Variants in HYAL1 observed in about 807,000 individuals in gnomAD.
HYAL1 encodes hyaluronidase-1.
HYAL1 carries 21 observed loss-of-function variants against 28.8 expected under a neutral mutation model. That is an observed-to-expected ratio of 0.73 (90% CI 0.52 to 1.05). The LOEUF (loss-of-function observed/expected upper bound fraction) is 1.05. HYAL1 is among the 50% of genes least tolerant of loss of function. HYAL1 has a pLI of 0.00. For synonymous variants in HYAL1, 200 were observed against 230.1 expected (o/e 0.87, Z 1.18); for missense variants, 491 against 579.2 (o/e 0.85, Z 1.56).
At chr3:50,300,822 C>T (rs782466337) in intron 3 of HYAL1, 22 bp from the exon 4 acceptor site, 15 of 1,609,868 alleles carry the variant, frequency 9.3e-6, no homozygotes, top group Admixed American at 1.7e-5. Flanking sequence ...GGGAGGATAG[C>T]GTCAGGGACA....
Position 50,300,806 on chromosome 3 carries a change from T to C in HYAL1, c.991-6A>G, listed in dbSNP as rs782756651. 1.2e-6 allele frequency: 2 copies of C among 1,613,034 alleles called. No homozygotes were observed. Among genetic ancestry groups the C allele is most frequent in the South Asian group, 1.1e-5 (1 of 90,898 alleles). ...TTGATGGCCTGACATGATTCCTAGG[T>C]GGGAAGGGAGGATAGCGTCAGGGAC... On this transcript the variant is annotated splice_region_variant and splice_polypyrimidine_tract_variant and intron_variant, in intron 3 of 3. Coordinates refer to ENST00000395144, the MANE Select transcript of HYAL1 (RefSeq NM_033159.4).
chr3:50,301,837 A>C (rs1272679090), intron 2 of HYAL1, among the ~76,000 whole-genome samples: 4 of 151,668 alleles, frequency 2.6e-5, no homozygotes, highest in Non-Finnish European at 1.5e-5. Flanking sequence ...CCTGTATCCC[A>C]GCTACTCGGA....
chr3:50,311,671 T>C, intron 1 of HYAL1, among the ~76,000 whole-genome samples: 1 of 132,574 alleles, frequency 7.5e-6, no homozygotes, highest in Admixed American at 7.7e-5. Flanking sequence ...GGCGGGGGGC[T>C]GACCCCCCAA....
chr3:50,303,091 T>C (rs587704044), intron 1 of HYAL1, 111 bp from the exon 2 acceptor site: 6 of 847,956 alleles, frequency 7.1e-6, no homozygotes, highest in Non-Finnish European at 1.1e-5. Context: ...CTCTGGTTTC[T>C]GTTAAACATT....
chr3:50,304,378 A>AT (rs1400648493), upstream of HYAL1, among the ~76,000 whole-genome samples: 1 of 125,282 alleles, frequency 8.0e-6, no homozygotes, highest in Non-Finnish European at 1.7e-5. Context: ...AGGTGGGAGA[A>AT]TTGCTTGAGC....
chr3:50,300,939 T>TGGGGGGCG, intron 3 of HYAL1, 49 bp downstream of exon 3: 1 of 959,410 alleles, frequency 1.0e-6, no homozygotes, highest in Non-Finnish European at 1.7e-6. Context: ...GTCAGCTTAA[T>TGGGGGGCG]GGCCCCACCC....
At chr3:50,305,643 C>G (rs1298117031), upstream of HYAL1, among the ~76,000 whole-genome samples, 1 of 151,048 alleles carries the variant, frequency 6.6e-6, no homozygotes, top group Non-Finnish European at 1.5e-5. Context: ...TCAAGCGATT[C>G]TCCTGCCTCA....
At chr3:50,311,493 G>A (rs1237952258) in intron 1 of HYAL1, among the ~76,000 whole-genome samples, 18 of 130,748 alleles carry the variant, frequency 1.4e-4, no homozygotes, top group Admixed American at 3.7e-4. Flanking sequence ...CGGGCAGAGG[G>A]GCTCCTCACT....
At chr3:50,311,161 T>C (rs1467347668) in intron 1 of HYAL1, among the ~76,000 whole-genome samples, 1 of 150,956 alleles carries the variant, frequency 6.6e-6, no homozygotes, top group Non-Finnish European at 1.5e-5. Context: ...GGCTCCTCAC[T>C]TCCCAGTAGG....
In HYAL1 at chr3:50,302,118, T is replaced by C. The variant is rs781932281; in HGVS notation, c.839A>G (p.Asn280Ser). ...FRVAVAAGDP[N>S]LPVLPYVQIF... ...CTGGACATAGGGCAGCACCGGCAGA[T>C]TGGGGTCACCAGCAGCCACAGCCAC... Residue 280 changes from asparagine to serine, a missense_variant, in exon 2 of 4, where the codon AAT (asparagine) becomes AGT (serine). Asn to Ser is a conservative substitution (Grantham distance 46). Transcript: ENST00000395144. The surrounding 1 kb of genome is among the most constrained non-coding windows in gnomAD (Gnocchi z 5.0). The C allele has an allele frequency of 1.9e-6, 3 of 1,613,934 alleles. No individual in the cohort carries two copies. Among genetic ancestry groups the C allele is most frequent in the African/African-American group, 1.3e-5 (1 of 74,878 alleles).
At chr3:50,310,653 G>A (rs1257748158) in intron 1 of HYAL1, among the ~76,000 whole-genome samples, 2 of 149,440 alleles carry the variant, frequency 1.3e-5, no homozygotes, top group African/African-American at 2.5e-5. Flanking sequence ...CGCAGAGGGG[G>A]ATTTGGCAGG....
At position 50,302,357 on chromosome 3, in the gene HYAL1, G is replaced by A. The variant is rs374928005; in HGVS notation, c.600C>T (p.Gly200=). Residue 200 remains glycine, a synonymous_variant, in exon 2 of 4, where the codon GGC becomes GGT. Coordinates refer to ENST00000395144, the MANE Select transcript of HYAL1 (RefSeq NM_033159.4). This position sits in a 1 kb window ranked among gnomAD's most constrained non-coding sequence, Gnocchi z 5.0. ...TGTAGCAGTCAGGGAAGCCATAGAA[G>A]CCCCAGAGGCCGCGAGGACGCAGTG... ...GRALRPRGLW[G]FYGFPDCYNY... The A allele has an allele frequency of 1.2e-6, 2 of 1,613,738 alleles. No individual in the cohort carries two copies. Among genetic ancestry groups the A allele is most frequent in the African/African-American group, 1.3e-5 (1 of 75,058 alleles).
chr3:50,311,635 T>A (rs1372640798), intron 1 of HYAL1, among the ~76,000 whole-genome samples: 2 of 86,612 alleles, frequency 2.3e-5, no homozygotes, highest in East Asian at 5.1e-4. Context: ...CCCCCCCACC[T>A]CCCTCCCGGA....
chr3:50,306,219 C>CTTTTTTTTTTTTTT (rs1173166946), upstream of HYAL1, among the ~76,000 whole-genome samples: 2 of 84,456 alleles, frequency 2.4e-5, no homozygotes, highest in Admixed American at 1.4e-4. Context: ...CTGTACAACT[C>CTTTTTTTTTTTTTT]TTTTTTTTTT....
At chr3:50,310,992 G>T (rs1334404890) in intron 1 of HYAL1, among the ~76,000 whole-genome samples, 1 of 152,090 alleles carries the variant, frequency 6.6e-6, no homozygotes, top group Non-Finnish European at 1.5e-5. Flanking sequence ...AGTCTCCCAC[G>T]TCTACATCTT....
At chr3:50,308,777 C>A (rs2078141228) in intron 2 of HYAL1, among the ~76,000 whole-genome samples, 1 of 136,280 alleles carries the variant, frequency 7.3e-6, no homozygotes, top group South Asian at 2.3e-4. Flanking sequence ...GTCACCCAGG[C>A]TGGAGTGCAA....
At chr3:50,312,251 A>AG (rs886058696) in intron 1 of HYAL1, 93 of 183,056 alleles carry the variant, frequency 5.1e-4, no homozygotes, top group Non-Finnish European at 9.0e-4. Context: ...TGCCGGGCGG[A>AG]GGGGCTCCTC....
rs1343643159 is a variant in HYAL1, at chr3:50,302,252, C to T, written c.705G>A (p.Leu235=). The change falls in exon 2 of 4, where the codon CTG becomes CTA. Residue 235 remains leucine, a synonymous_variant. Coordinates refer to ENST00000395144, the MANE Select transcript of HYAL1 (RefSeq NM_033159.4). The surrounding 1 kb of genome is among the most constrained non-coding windows in gnomAD (Gnocchi z 5.0). ...IRAQNDQLGW[L]WGQSRALYPS... ...GATAGAGGGCACGGCTCTGGCCCCA[C>T]AGCCACCCTAGCTGGTCATTTTGGG... 4 of 1,613,870 alleles carry T rather than the reference C, an allele frequency of 2.5e-6. No individual in the cohort carries two copies. Among genetic ancestry groups the T allele is most frequent in the Non-Finnish European group, 1.7e-6 (2 of 1,180,040 alleles).
chr3:50,310,267 T>G lies in HYAL1; in HGVS notation c.-309-490A>C, dbSNP rs1428094859. ...AGTCACTGAAAACTAAGCTGTGTGTTTTTTTTTTTTTTTTTGAGACAGAGT... is the reference window on the plus strand; with the variant it reads ...AGTCACTGAAAACTAAGCTGTGTGTGTTTTTTTTTTTTTTTGAGACAGAGT... On this transcript the variant is annotated intron_variant, in intron 1 of 5. Coordinates refer to the HYAL1 transcript ENST00000320295. Among the ~76,000 whole-genome samples the G allele has an allele frequency of 5.8e-3, 851 of 145,932 alleles. 35 individuals carry two copies. The highest frequency in any genetic ancestry group is 0.02 in the African/African-American group (796 of 38,844).
Sources: gnomAD v4.1 joint callset for allele counts (sites outside exome capture counted in the v4.1 genomes callset) on GRCh38, gnomAD v4.1.1 for gene constraint, Gnocchi (gnomAD v3.1) non-coding constraint, MANE v1.5 for transcripts, NCBI Gene and HGNC (gene_info 2026-07-23, HGNC 2026-07-21) for gene names.